The following DEPDC5 variants were observed in gnomAD, a reference collection of about 807,000 sequenced individuals.
The protein encoded by DEPDC5 is GATOR1 complex protein DEPDC5.
A neutral mutation model predicts 217.3 loss-of-function variants in DEPDC5; 73 were observed. The ratio of observed to expected loss-of-function variants is 0.34; its 90% CI spans 0.28 to 0.41. DEPDC5 has a LOEUF of 0.41. Among genes scored for constraint, DEPDC5 ranks in the 10% least tolerant of loss-of-function variants. The pLI is 1.00. For synonymous variants in DEPDC5, 733 were observed against 756.7 expected (o/e 0.97, Z 0.51); for missense variants, 1,675 against 2,070.1 (o/e 0.81, Z 3.70).
At chr22:31,856,114 A>T (rs1228419463) in intron 31 of DEPDC5, among the ~76,000 whole-genome samples, 1 of 150,742 alleles carries the variant, frequency 6.6e-6, no homozygotes, top group African/African-American at 2.4e-5. Flanking sequence ...AGGAGATCCC[A>T]CTGGAACAGC....
At position 31,820,429 on chromosome 22, in the gene DEPDC5, T is replaced by G. The variant is rs1045044838; in HGVS notation, c.1871-1073T>G. ...GCCTGGCCAAATTTTTATTTTATTT[T>G]TTTCATGGAAACCATCCTGCTGAAT... On this transcript the variant is annotated intron_variant, in intron 22 of 42. Transcript: ENST00000651528. Among the ~76,000 whole-genome samples the G allele has an allele frequency of 5.3e-5, 8 of 152,174 alleles. 1 individual carries two copies. Among genetic ancestry groups the G allele is most frequent in the Admixed American group, 3.9e-4 (6 of 15,260 alleles).
At chr22:31,860,663 A>T (rs2092475701) in intron 32 of DEPDC5, among the ~76,000 whole-genome samples, 2 of 152,128 alleles carry the variant, frequency 1.3e-5, no homozygotes, top group South Asian at 2.1e-4. Flanking sequence ...GTGCTTGTGT[A>T]TCTGACATTA....
intron 19 of DEPDC5, 152 bp downstream of exon 19, chr22:31,809,799 G>A (rs2088038285): frequency 2.9e-6 from 2 of 695,994 alleles, no homozygotes; most frequent in South Asian, 3.2e-5. Flanking sequence ...TGCCAACATG[G>A]TGAAACCCTG....
At chr22:31,824,850 C>T (rs1354159813) in intron 24 of DEPDC5, among the ~76,000 whole-genome samples, 2 of 151,792 alleles carry the variant, frequency 1.3e-5, no homozygotes, top group Non-Finnish European at 2.9e-5. Context: ...GTGGCGGGCA[C>T]CTGTAGTCCC....
intron 33 of DEPDC5, among the ~76,000 whole-genome samples, chr22:31,867,693 C>A (rs2149209208): frequency 6.6e-6 from 1 of 152,218 alleles, no homozygotes; most frequent in East Asian, 1.9e-4. Context: ...TGACAGAGAC[C>A]CTATGGCCCA....
rs112530668 is a variant in DEPDC5 at position 31,805,535 on chromosome 22, C to T, written c.1218-587C>T. Among the ~76,000 whole-genome samples, 1,497 of 151,418 alleles carry T rather than the reference C, an allele frequency of 9.9e-3. 28 individuals carry two copies. The highest frequency in any genetic ancestry group is 0.033 in the African/African-American group (1,380 of 41,258). On this transcript the variant is annotated intron_variant, in intron 17 of 42. Transcript: ENST00000651528. ...TTTTTTTTTAAGACGGAGTTTCACT[C>T]TGTCACCCAGGCTGGAGTGCAGTGA... is the stretch of plus-strand genomic sequence containing the variant.
chr22:31,878,456 C>T (rs1274533558), intron 37 of DEPDC5, among the ~76,000 whole-genome samples: 1 of 151,762 alleles, frequency 6.6e-6, no homozygotes, highest in Non-Finnish European at 1.5e-5. Context: ...ATAATCCCAG[C>T]GCCTTGGAAG....
In DEPDC5 at chr22:31,879,541, C is replaced by T. The variant is rs750916961; in HGVS notation, c.3822C>T (p.Pro1274=). 29 of 1,610,640 alleles carry T rather than the reference C, an allele frequency of 1.8e-5. No homozygotes were observed. The highest frequency in any genetic ancestry group is 1.7e-4 in the Admixed American group (10 of 60,008). The change falls in exon 38 of 43, where the codon CCC becomes CCT. Residue 1274 remains proline (P), a synonymous_variant. Coordinates refer to ENST00000651528, the MANE Select transcript of DEPDC5 (RefSeq NM_001242896.3). Reference sequence around the variant, plus strand: ...TTTTCCCAGTGGCCATGCAGCAGCCCGCCACCACCTGGCACACAGCAGGAG... The same window carrying T: ...TTTTCCCAGTGGCCATGCAGCAGCCTGCCACCACCTGGCACACAGCAGGAG... ...KEPDRVAMQQ[P]ATTWHTAGVD...
chr22:31,802,826 A>G lies in DEPDC5; in HGVS notation c.1069A>G (p.Met357Val), dbSNP rs2087022353. ...ACTCATGATCCTGACCAAGCAGCGGATGATAGATAATGGTAATGCTCTCTG... is the reference window on the plus strand; with the variant it reads ...ACTCATGATCCTGACCAAGCAGCGGGTGATAGATAATGGTAATGCTCTCTG... Reference protein sequence around the residue: ...RLLMILTKQRMIDNGIGVDLV... With the variant: ...RLLMILTKQRVIDNGIGVDLV... Residue 357 changes from methionine to valine, a missense_variant, in exon 15 of 43, where the codon ATG becomes GTG. This residue lies in a region of DEPDC5 where 628 missense variants were observed against 762.1 expected (regional missense o/e 0.82). Transcript: ENST00000651528. The G allele has an allele frequency of 6.2e-6, 10 of 1,602,394 alleles. No homozygotes were observed. Among genetic ancestry groups the G allele is most frequent in the Non-Finnish European group, 7.7e-6 (9 of 1,174,892 alleles).
rs9621356 is a variant in DEPDC5 at position 31,874,423 on chromosome 22, G to A, written c.3696+18G>A. ...TCATGCAGGTGAGACAGCAAGAGGG[G>A]CCCATAGAGCTGTTTGCTTAGGTCC... On this transcript the variant is annotated intron_variant, in intron 36 of 42. Coordinates refer to ENST00000651528, the MANE Select transcript of DEPDC5 (RefSeq NM_001242896.3). 2.5e-3 allele frequency: 4,050 copies of A among 1,598,796 alleles called. 92 individuals carry two copies. The African/African-American group carries it at 0.043, about 17-fold the overall frequency.
intron 1 of DEPDC5, 67 bp from the exon 2 acceptor site, chr22:31,754,795 A>G: frequency 9.2e-7 from 1 of 1,092,724 alleles, no homozygotes; most frequent in Non-Finnish European, 1.4e-6. Flanking sequence ...TCACTGGCCT[A>G]AAATCAAAGA....
chr22:31,883,610 T>C (rs1203910175), intron 38 of DEPDC5, among the ~76,000 whole-genome samples: 1 of 152,200 alleles, frequency 6.6e-6, no homozygotes, highest in Non-Finnish European at 1.5e-5. Context: ...GGTACTACAA[T>C]TTATGCTTTA....
chr22:31,807,435 GTTGT>G (rs2087683397), intron 18 of DEPDC5, among the ~76,000 whole-genome samples: 1 of 152,120 alleles, frequency 6.6e-6, no homozygotes, highest in Non-Finnish European at 1.5e-5. Flanking sequence ...TGTTGTTGTC[GTTGT>G]TTGTTTTTTT....
chr22:31,870,975 G>A (rs1383130945), intron 34 of DEPDC5, among the ~76,000 whole-genome samples: 2 of 152,242 alleles, frequency 1.3e-5, no homozygotes, highest in Admixed American at 6.5e-5. Context: ...GTAGGAAAGT[G>A]TCAGGCACCA....
chr22:31,847,354 C>T (rs2091797231), intron 31 of DEPDC5, among the ~76,000 whole-genome samples: 1 of 149,104 alleles, frequency 6.7e-6, no homozygotes, highest in Non-Finnish European at 1.5e-5. Context: ...CCCATCTTTA[C>T]TGGGGAAAAA....
At chr22:31,859,079 GTTTTTTTTTTTTTTTT>G (rs136864) in intron 32 of DEPDC5, 2 of 67,008 alleles carry the variant, frequency 3.0e-5, no homozygotes, top group African/African-American at 5.9e-5. Flanking sequence ...CCATTCCTTT[GTTTTTTTTTTTTTTTT>G]TTTTTTTTTT....
At position 31,819,054 on chromosome 22, in the gene DEPDC5, C is replaced by T. The variant is rs1332825012; in HGVS notation, c.1699C>T (p.Arg567Ter). Residue 567 changes from arginine to a stop codon, truncating the protein, a stop_gained, in exon 22 of 43, where the codon CGA becomes TGA. Coordinates refer to ENST00000651528, the MANE Select transcript of DEPDC5 (RefSeq NM_001242896.3). LOFTEE classifies it high-confidence loss of function. ...VLENMMEPPQ[R>*]DSSAPGRFHV... is the part of the protein sequence containing the mutation. ...GGAGAACATGATGGAGCCACCACAG[C>T]GAGACTCCAGTGCACCAGGGAGGTT... is the stretch of plus-strand genomic sequence containing the variant. 1.2e-6 allele frequency: 2 copies of T among 1,614,150 alleles called. No individual in the cohort carries two copies. The highest frequency in any genetic ancestry group is 1.7e-6 in the Non-Finnish European group (2 of 1,180,012).
chr22:31,760,795 G>A (rs2082323939), intron 4 of DEPDC5, 93 bp downstream of exon 4: 1 of 1,033,046 alleles, frequency 9.7e-7, no homozygotes, highest in Admixed American at 2.7e-5. Flanking sequence ...ATGAGGGCAA[G>A]TAATTCTCTT....
intron 24 of DEPDC5, among the ~76,000 whole-genome samples, chr22:31,825,328 T>G (rs1239306178): frequency 6.6e-6 from 1 of 152,186 alleles, no homozygotes; most frequent in African/African-American, 2.4e-5. Flanking sequence ...AAAGAATCTT[T>G]ATTTGGGGTG....
Sources: allele counts gnomAD v4.1 joint callset (sites outside exome capture counted in the v4.1 genomes callset), GRCh38; gene constraint gnomAD v4.1.1; regional missense constraint gnomAD v4.1.1; transcripts MANE v1.5; gene names NCBI Gene and HGNC (gene_info 2026-07-23, HGNC 2026-07-21).